The following NRG3 variants were observed in gnomAD, a reference collection of about 807,000 sequenced individuals.
NRG3 encodes the protein pro-neuregulin-3, membrane-bound isoform.
In NRG3, 31 loss-of-function variants were observed where a neutral mutation model predicts 66.9. The ratio of observed to expected loss-of-function variants is 0.46; its 90% CI spans 0.35 to 0.63. NRG3 has a LOEUF of 0.63. Among genes scored for constraint, NRG3 ranks in the 20% least tolerant of loss-of-function variants. The pLI is 0.00. For synonymous variants in NRG3, 393 were observed against 359.4 expected (o/e 1.09, Z -1.06); for missense variants, 910 against 878.9 (o/e 1.04, Z -0.45).
intron 2 of NRG3, among the ~76,000 whole-genome samples, chr10:82,529,586 A>G (rs1452621197): frequency 2.6e-5 from 4 of 152,218 alleles, no homozygotes; most frequent in Non-Finnish European, 4.4e-5. Context: ...AATAAACAGA[A>G]GTGCATGCTT....
chr10:81,968,111 C>A (rs2059799049), intron 1 of NRG3, among the ~76,000 whole-genome samples: 1 of 152,186 alleles, frequency 6.6e-6, no homozygotes, highest in African/African-American at 2.4e-5. Context: ...GAAAGAGGGG[C>A]CCCTGCTCTG....
chr10:82,419,188 C>T (rs2088871180), intron 2 of NRG3, among the ~76,000 whole-genome samples: 1 of 152,048 alleles, frequency 6.6e-6, no homozygotes, highest in East Asian at 1.9e-4. Flanking sequence ...AAATGGAAAT[C>T]CATTAATGGA....
At chr10:82,189,827 G>A (rs1464733652) in intron 1 of NRG3, among the ~76,000 whole-genome samples, 1 of 151,788 alleles carries the variant, frequency 6.6e-6, no homozygotes, top group Non-Finnish European at 1.5e-5. Context: ...GCCAGATGTG[G>A]TGGCGAGCAC....
At position 82,467,833 on chromosome 10, in the gene NRG3, A is replaced by T. The variant is rs984218940; in HGVS notation, c.953+108965A>T. Reference sequence around the variant, plus strand: ...TTTCTTTCCTCCTTGGTAGAGAAGGATATATCATATTAAATTTAACTTGAT... The same window carrying T: ...TTTCTTTCCTCCTTGGTAGAGAAGGTTATATCATATTAAATTTAACTTGAT... On this transcript the variant is annotated intron_variant, in intron 2 of 8. Coordinates refer to ENST00000372141, the MANE Select transcript of NRG3 (RefSeq NM_001010848.4). Among the ~76,000 whole-genome samples, 4 of 152,192 alleles carry T rather than the reference A, an allele frequency of 2.6e-5. No individual in the cohort carries two copies. In the South Asian group the frequency reaches 8.3e-4, roughly 32 times the overall value.
intron 1 of NRG3, among the ~76,000 whole-genome samples, chr10:82,335,287 G>A (rs1321915643): frequency 6.6e-6 from 1 of 152,172 alleles, no homozygotes; most frequent in Non-Finnish European, 1.5e-5. Context: ...TGGCTCAGCA[G>A]GATATAGCCA....
chr10:82,446,450 C>CCATAAAA (rs2136508458), intron 2 of NRG3, among the ~76,000 whole-genome samples: 1 of 152,244 alleles, frequency 6.6e-6, no homozygotes, highest in Non-Finnish European at 1.5e-5. Context: ...GAATACTACA[C>CCATAAAA]AGCCATAAAA....
chr10:82,182,467 A>G (rs939005868), intron 1 of NRG3, among the ~76,000 whole-genome samples: 1 of 151,724 alleles, frequency 6.6e-6, no homozygotes, highest in Non-Finnish European at 1.5e-5. Flanking sequence ...TTAATAGTCT[A>G]TTTTAAGCTG....
At chr10:82,409,446 C>T (rs943710146) in intron 2 of NRG3, among the ~76,000 whole-genome samples, 21 of 151,906 alleles carry the variant, frequency 1.4e-4, no homozygotes, top group Non-Finnish European at 2.9e-4. Context: ...GGAGGGAACC[C>T]ATGCCCGGAT....
chr10:82,854,621 C>T lies in NRG3; in HGVS notation c.1028-10790C>T, dbSNP rs557656431. 9.9e-5 allele frequency among the ~76,000 whole-genome samples: 15 copies of T among 152,182 alleles called. No homozygotes were observed. The South Asian group carries it at 1.2e-3, about 13-fold the overall frequency. ...ACCAGGCTTTAACGATGGACAAGCC[C>T]GACTTCCGAAGCTACAGTGCCTTGC... On this transcript the variant is annotated intron_variant, in intron 3 of 8. Transcript: ENST00000372141.
chr10:82,662,556 A>C (rs948785106), intron 2 of NRG3, among the ~76,000 whole-genome samples: 2 of 152,190 alleles, frequency 1.3e-5, no homozygotes, highest in Non-Finnish European at 2.9e-5. Flanking sequence ...AGTCAATCAT[A>C]GTTCAAATAG....
rs866238376 is a variant in NRG3 at position 82,740,844 on chromosome 10, A to G, written c.1027+2194A>G. On this transcript the variant is annotated intron_variant, in intron 3 of 8. Transcript: ENST00000372141. Reference sequence around the variant, plus strand: ...GTCTCAAAAAAAAAAAAAAAAAAAAAAAAAATTATACCTCTCTGAAATGTT... The same window carrying G: ...GTCTCAAAAAAAAAAAAAAAAAAAAGAAAAATTATACCTCTCTGAAATGTT... Among the ~76,000 whole-genome samples the G allele has an allele frequency of 2.4e-3, 349 of 147,806 alleles. 7 individuals carry two copies. The highest frequency in any genetic ancestry group is 8.4e-3 in the African/African-American group (336 of 39,958).
rs142654931 is a variant in NRG3, at chr10:82,697,890, A to C, written c.954-40687A>C. Among the ~76,000 whole-genome samples the C allele has an allele frequency of 3.0e-4, 46 of 152,116 alleles. No individual in the cohort carries two copies. The East Asian group carries it at 5.8e-3, about 19-fold the overall frequency. ...CGTCAGTATCTGCCTTTTTGGATCA[A>C]TGTGTGATTTTTGAGGCTGTGACAG... On this transcript the variant is annotated intron_variant, in intron 2 of 8. Coordinates refer to ENST00000372141, the MANE Select transcript of NRG3 (RefSeq NM_001010848.4).
intron 1 of NRG3, among the ~76,000 whole-genome samples, chr10:82,017,022 T>G (rs1368764758): frequency 6.6e-6 from 1 of 152,200 alleles, no homozygotes; most frequent in Non-Finnish European, 1.5e-5. Flanking sequence ...GCCATGTTGG[T>G]GTGCTGCATC....
In NRG3 at chr10:81,946,266, C is replaced by T. The variant is rs1589554414; in HGVS notation, c.823+70103C>T. Among the ~76,000 whole-genome samples the T allele has an allele frequency of 2.0e-5, 3 of 152,226 alleles. No individual in the cohort carries two copies. In the East Asian group the frequency reaches 5.8e-4, roughly 29 times the overall value. On this transcript the variant is annotated intron_variant, in intron 1 of 8. Transcript: ENST00000372141. ...TCCTGACCTCAGGTTATCTACCCAC[C>T]TCGGCCTCCCAAAGTGCTGGGATTA...
intron 2 of NRG3, among the ~76,000 whole-genome samples, chr10:82,598,010 AT>A (rs760254005): frequency 2.0e-5 from 3 of 151,916 alleles, no homozygotes; most frequent in Non-Finnish European, 4.4e-5. Flanking sequence ...ATAACATGTG[AT>A]TTGTGATCTT....
chr10:82,651,850 C>G (rs746211097), intron 2 of NRG3, among the ~76,000 whole-genome samples: 1 of 152,168 alleles, frequency 6.6e-6, no homozygotes, highest in African/African-American at 2.4e-5. Flanking sequence ...CCCAGTCAAG[C>G]CTTCAGATGA....
chr10:82,129,965 C>A (rs1299709714), intron 1 of NRG3, among the ~76,000 whole-genome samples: 1 of 151,752 alleles, frequency 6.6e-6, no homozygotes, highest in African/African-American at 2.4e-5. Context: ...TTTTTGTAAC[C>A]ATTAACCATC....
intron 4 of NRG3, among the ~76,000 whole-genome samples, chr10:82,866,936 A>G (rs919919369): frequency 6.6e-6 from 1 of 152,176 alleles, no homozygotes; most frequent in Non-Finnish European, 1.5e-5. Flanking sequence ...TGTCTAATGG[A>G]TATTCCAGTT....
At chr10:82,338,898 C>T (rs999381049) in intron 1 of NRG3, among the ~76,000 whole-genome samples, 8 of 152,248 alleles carry the variant, frequency 5.3e-5, no homozygotes, top group South Asian at 2.1e-4. Flanking sequence ...ATTTAGAACT[C>T]GGCACACTAA....
Sources: allele counts gnomAD v4.1 joint callset (sites outside exome capture counted in the v4.1 genomes callset), GRCh38; gene constraint gnomAD v4.1.1; transcripts MANE v1.5; gene names NCBI Gene and HGNC (gene_info 2026-07-23, HGNC 2026-07-21).